The following ZNF215 variants were observed in gnomAD, a reference collection of about 807,000 sequenced individuals.
ZNF215 encodes the protein BWSCR2-associated zinc finger protein 2.
In ZNF215, 24 loss-of-function variants were observed where a neutral mutation model predicts 27.2. The ratio of observed to expected loss-of-function variants is 0.88; its 90% CI spans 0.64 to 1.24. The LOEUF (loss-of-function observed/expected upper bound fraction) is 1.24, where lower values mean the gene tolerates loss of function less well. ZNF215 is among the 50% of genes most tolerant of loss of function. ZNF215 has a pLI of 0.00. For synonymous variants in ZNF215, 210 were observed against 204.0 expected, an observed-to-expected ratio of 1.03 and a Z score of -0.25; for missense variants, 675 against 605.7, an observed-to-expected ratio of 1.11 and a Z score of -1.20.
chr11:6,949,282 T>A, intron 6 of ZNF215, among the ~76,000 whole-genome samples: 1 of 152,192 alleles, frequency 6.6e-6, no homozygotes, highest in Non-Finnish European at 1.5e-5. Context: ...GATGGCTGGG[T>A]CAAATGGTAT....
At chr11:6,947,187 T>G (rs1849847984) in intron 6 of ZNF215, among the ~76,000 whole-genome samples, 1 of 152,230 alleles carries the variant, frequency 6.6e-6, no homozygotes, top group South Asian at 2.1e-4. Flanking sequence ...TTCATCTATC[T>G]CCTCATCTAA....
chr11:6,956,635 T>A lies in ZNF215; in HGVS notation c.*104T>A. On this transcript the variant is annotated 3_prime_UTR_variant, in exon 7 of 7. Coordinates refer to ENST00000278319, the MANE Select transcript of ZNF215 (RefSeq NM_013250.4). The stretch of plus-strand genomic sequence containing the variant: ...TCATGAATATAATGTAAGAAAACAT[T>A]TGTCAGATTTTTCTTTAAATGATAT... The A allele has an allele frequency of 1.4e-6, 2 of 1,418,374 alleles. No homozygotes were observed. The highest frequency in any genetic ancestry group is 1.8e-6 in the Non-Finnish European group (2 of 1,092,286). 87.9% of individuals were successfully genotyped at this position (1,418,374 alleles called of 1,614,324 possible).
rs1306049619 is a variant in ZNF215, at chr11:6,952,757, G to T, written c.713-2933G>T. On this transcript the variant is annotated intron_variant, in intron 6 of 6. Coordinates refer to ENST00000278319, the MANE Select transcript of ZNF215 (RefSeq NM_013250.4). ...ACATGTAAAGTTAATATTGTTATGT[G>T]TGAGTTTGATCCTATCATTATGATG... Among the ~76,000 whole-genome samples, 3 of 152,254 alleles carry T rather than the reference G, an allele frequency of 2.0e-5. No homozygotes were observed. In the South Asian group the frequency reaches 6.2e-4, roughly 32 times the overall value.
At chr11:6,941,952 G>A (rs1265469864) in intron 4 of ZNF215, among the ~76,000 whole-genome samples, 3 of 152,138 alleles carry the variant, frequency 2.0e-5, no homozygotes, top group Admixed American at 6.5e-5. Context: ...GAGCAATGTC[G>A]CTTACTAGGC....
chr11:6,945,421 CCAAACTTCT>C (rs1849784147), intron 6 of ZNF215, among the ~76,000 whole-genome samples: 1 of 152,160 alleles, frequency 6.6e-6, no homozygotes, highest in African/African-American at 2.4e-5. Flanking sequence ...TTCTTTGTAG[CCAAACTTCT>C]CAAAGTACTT....
chr11:6,953,727 T>C (rs1225454712), intron 6 of ZNF215, among the ~76,000 whole-genome samples: 2 of 152,260 alleles, frequency 1.3e-5, no homozygotes, highest in African/African-American at 4.8e-5. Context: ...AGCCTTCTTC[T>C]CTCAACTCGT....
chr11:6,976,372 ATATCT>A (rs1176179079), intron 5 of ZNF215, among the ~76,000 whole-genome samples: 1 of 152,086 alleles, frequency 6.6e-6, no homozygotes, highest in African/African-American at 2.4e-5. Context: ...GCTAAAAATA[ATATCT>A]TATGATGAAA....
At chr11:6,949,029 G>C (rs1170056318) in intron 6 of ZNF215, among the ~76,000 whole-genome samples, 1 of 150,514 alleles carries the variant, frequency 6.6e-6, no homozygotes, top group African/African-American at 2.4e-5. Context: ...ATAGTTTACT[G>C]AGAATGATGA....
downstream of ZNF215, among the ~76,000 whole-genome samples, chr11:6,962,817 C>T (rs1850543362): frequency 6.6e-6 from 1 of 151,938 alleles, no homozygotes; most frequent in Non-Finnish European, 1.5e-5. Flanking sequence ...GTTTGCAAAC[C>T]TCTGATCTAA....
chr11:6,966,333 GA>G (rs1850617192), intron 5 of ZNF215, among the ~76,000 whole-genome samples: 3 of 152,054 alleles, frequency 2.0e-5, no homozygotes, highest in Non-Finnish European at 2.9e-5. Context: ...GCTGAGGGTG[GA>G]GGGTGGTATG....
downstream of ZNF215, chr11:6,984,641 C>T (rs1851025605): frequency 1.3e-5 from 2 of 151,984 alleles, no homozygotes; most frequent in South Asian, 4.2e-4. Flanking sequence ...ACAATCTGCC[C>T]ATGATTTACT....
intron 5 of ZNF215, among the ~76,000 whole-genome samples, chr11:6,977,763 A>G (rs779074452): frequency 1.4e-4 from 22 of 152,060 alleles, no homozygotes; most frequent in Non-Finnish European, 2.5e-4. Flanking sequence ...CCAGTCTGTG[A>G]TATTTTGTGA....
chr11:6,965,310 G>T (rs558033189), intron 5 of ZNF215, among the ~76,000 whole-genome samples: 4 of 152,228 alleles, frequency 2.6e-5, no homozygotes, highest in African/African-American at 9.6e-5. Flanking sequence ...GTGACTGGAG[G>T]TATTCACTAG....
chr11:6,943,414 A>G (rs919343488), intron 5 of ZNF215, 132 bp from the exon 6 acceptor site: 2 of 1,097,010 alleles, frequency 1.8e-6, no homozygotes, highest in African/African-American at 3.2e-5. Context: ...ACACAAGTCT[A>G]TGGTGCTCTT....
chr11:6,963,267 A>C (rs1365668747), intron 5 of ZNF215, among the ~76,000 whole-genome samples: 1 of 151,924 alleles, frequency 6.6e-6, no homozygotes, highest in Admixed American at 6.6e-5. Context: ...GCCTATCTAT[A>C]TATAATTTTA....
chr11:6,983,922 A>C (rs914611160), intron 5 of ZNF215, among the ~76,000 whole-genome samples: 1 of 152,200 alleles, frequency 6.6e-6, no homozygotes, highest in Non-Finnish European at 1.5e-5. Flanking sequence ...TGATAGGCTT[A>C]TCTAATATTT....
chr11:6,965,536 G>T (rs542612107), intron 5 of ZNF215, among the ~76,000 whole-genome samples: 1 of 152,176 alleles, frequency 6.6e-6, no homozygotes, highest in South Asian at 2.1e-4. Flanking sequence ...TAAAAATACT[G>T]TGTCTTGCAA....
At chr11:6,977,771 T>C (rs746810721) in intron 5 of ZNF215, among the ~76,000 whole-genome samples, 2 of 152,072 alleles carry the variant, frequency 1.3e-5, no homozygotes, top group Non-Finnish European at 2.9e-5. Flanking sequence ...TGATATTTTG[T>C]GATAATGAAT....
At position 6,955,995 on chromosome 11, in the gene ZNF215, T is replaced by C. The variant is rs2133298454; in HGVS notation, c.1018T>C (p.Tyr340His). ...GSPKCDKFKT[Y>H]FKFNLDSVGK... ...TCCAAAATGTGATAAGTTTAAAACT[T>C]ACTTCAAATTTAATTTAGACTCAGT... Residue 340 changes from tyrosine to histidine, a missense_variant, in exon 7 of 7, where the codon TAC becomes CAC. By Grantham distance (83) the Tyr-to-His change is moderately conservative. Coordinates refer to ENST00000278319, the MANE Select transcript of ZNF215 (RefSeq NM_013250.4). 1 of 1,612,220 alleles carries C rather than the reference T, an allele frequency of 6.2e-7. No individual in the cohort carries two copies.
Sources: gnomAD v4.1 joint callset for allele counts (sites outside exome capture counted in the v4.1 genomes callset) on GRCh38, gnomAD v4.1.1 for gene constraint, MANE v1.5 for transcripts, NCBI Gene and HGNC (gene_info 2026-07-23, HGNC 2026-07-21) for gene names.